The following CECR2 variants were observed in gnomAD, a reference collection of about 807,000 sequenced individuals.
CECR2 encodes the protein CECR2 histone acetyl-lysine reader, also known as chromatin remodeling regulator CECR2.
In CECR2, 30 loss-of-function variants were observed where a neutral mutation model predicts 154.5. The ratio of observed to expected loss-of-function variants is 0.19; its 90% confidence interval spans 0.15 to 0.26. The LOEUF (loss-of-function observed/expected upper bound fraction) is 0.26, where lower values mean the gene tolerates loss of function less well. Among genes scored for constraint, CECR2 ranks in the 10% least tolerant of loss-of-function variants. The pLI is 1.00. For synonymous variants in CECR2, 725 were observed against 683.7 expected (o/e 1.06, Z -0.94); for missense variants, 1,743 against 1,829.3 (o/e 0.95, Z 0.86).
intron 1 of CECR2, among the ~76,000 whole-genome samples, chr22:17,449,850 C>A (rs551620424): frequency 3.9e-5 from 6 of 152,180 alleles, no homozygotes; most frequent in Admixed American, 2.6e-4. Context: ...TGGACACTTG[C>A]AATGGTCTGA....
intron 1 of CECR2, among the ~76,000 whole-genome samples, 182 bp downstream of exon 1, chr22:17,370,091 G>A (rs1387826124): frequency 6.6e-6 from 1 of 151,068 alleles, no homozygotes; most frequent in Non-Finnish European, 1.5e-5. Flanking sequence ...GCTGTGCCCG[G>A]GTGCCGAGGG....
intron 1 of CECR2, among the ~76,000 whole-genome samples, chr22:17,381,471 A>G (rs896732933): frequency 9.9e-5 from 15 of 152,146 alleles, no homozygotes; most frequent in Non-Finnish European, 1.9e-4. Context: ...CTGGATTTTC[A>G]TCGCTTTCAG....
At chr22:17,466,598 CT>C (rs1555913227) in intron 1 of CECR2, among the ~76,000 whole-genome samples, 201 of 140,102 alleles carry the variant, frequency 1.4e-3, no homozygotes, top group Admixed American at 1.4e-3. Flanking sequence ...AAAACCTTGC[CT>C]TTTTTTTTTT....
intron 2 of CECR2, among the ~76,000 whole-genome samples, chr22:17,488,178 C>T (rs1449099539): frequency 6.6e-5 from 10 of 152,134 alleles, no homozygotes; most frequent in Admixed American, 5.9e-4. Context: ...CCACCGCACC[C>T]GGCCTCATTT....
intron 1 of CECR2, among the ~76,000 whole-genome samples, chr22:17,421,154 G>A (rs551333886): frequency 7.2e-5 from 11 of 151,986 alleles, no homozygotes; most frequent in African/African-American, 1.9e-4. Flanking sequence ...TATGTGGATC[G>A]GAGTTTTTGA....
chr22:17,504,001 G>T (rs1033641604), intron 6 of CECR2, among the ~76,000 whole-genome samples: 77 of 151,584 alleles, frequency 5.1e-4, no homozygotes, highest in African/African-American at 1.7e-3. Flanking sequence ...GAGCTGAGAT[G>T]GTGCCCCTGA....
chr22:17,493,683 C>T lies in CECR2; in HGVS notation c.222-3720C>T, dbSNP rs73389125. 6.1e-3 allele frequency among the ~76,000 whole-genome samples: 936 copies of T among 152,290 alleles called. 9 individuals are homozygous for T. The highest frequency in any genetic ancestry group is 0.021 in the African/African-American group (891 of 41,562). On this transcript the variant is annotated intron_variant, in intron 2 of 18. Coordinates refer to ENST00000262608, the MANE Select transcript of CECR2 (RefSeq NM_001290047.2). ...ATTTAAACTGAGTAGGACAATAGGC[C>T]TGTTGGGAAGGAATCTGAAACATGG...
At chr22:17,515,470 G>T (rs937504947) in intron 8 of CECR2, among the ~76,000 whole-genome samples, 1 of 152,102 alleles carries the variant, frequency 6.6e-6, no homozygotes, top group Non-Finnish European at 1.5e-5. Context: ...TACTATTTAC[G>T]TTTTTACGTA....
At chr22:17,364,600 C>T (rs1356518742), upstream of CECR2, among the ~76,000 whole-genome samples, 1 of 151,918 alleles carries the variant, frequency 6.6e-6, no homozygotes, top group African/African-American at 2.4e-5. Context: ...GATCCCAGCA[C>T]TTTGGGAGGC....
intron 10 of CECR2, 91 bp from the exon 11 acceptor site, chr22:17,538,429 G>A (rs570229766): frequency 4.5e-6 from 5 of 1,121,408 alleles, no homozygotes; most frequent in Non-Finnish European, 6.8e-6. Flanking sequence ...CCAAATCTTA[G>A]TTCAGTCAGG....
chr22:17,429,551 C>CAA (rs142777624), intron 1 of CECR2, among the ~76,000 whole-genome samples: 1 of 138,026 alleles, frequency 7.2e-6, no homozygotes, highest in African/African-American at 2.8e-5. Flanking sequence ...AAAACAAAAA[C>CAA]AAAAACAAAG....
intron 1 of CECR2, among the ~76,000 whole-genome samples, chr22:17,394,709 T>C (rs1476944743): frequency 2.0e-5 from 3 of 152,198 alleles, no homozygotes; most frequent in Non-Finnish European, 2.9e-5. Context: ...AGGGATTACA[T>C]TGACTCTGTA....
At chr22:17,427,262 T>A (rs58966358) in intron 1 of CECR2, among the ~76,000 whole-genome samples, 10,224 of 152,248 alleles carry the variant, frequency 0.067, 936 homozygotes, top group East Asian at 0.36. Flanking sequence ...CAGTCTACCA[T>A]TGATAGACAT....
chr22:17,528,966 T>C (rs1280627633), intron 9 of CECR2, among the ~76,000 whole-genome samples: 1 of 151,934 alleles, frequency 6.6e-6, no homozygotes, highest in African/African-American at 2.4e-5. Flanking sequence ...GCGTGGTGGC[T>C]CCATCTGTGG....
chr22:17,530,504 T>A (rs1402551468), intron 9 of CECR2, among the ~76,000 whole-genome samples: 1 of 151,670 alleles, frequency 6.6e-6, no homozygotes, highest in African/African-American at 2.4e-5. Flanking sequence ...AAACCCCGTC[T>A]CTACTAAAAA....
chr22:17,394,061 A>G (rs1326824369), intron 1 of CECR2, among the ~76,000 whole-genome samples: 1 of 151,216 alleles, frequency 6.6e-6, no homozygotes, highest in South Asian at 2.1e-4. Flanking sequence ...CTAATTTTGT[A>G]TTTTTAGCAG....
intron 1 of CECR2, among the ~76,000 whole-genome samples, chr22:17,360,461 C>T (rs1313602404): frequency 1.3e-5 from 2 of 151,908 alleles, no homozygotes; most frequent in Non-Finnish European, 2.9e-5. Context: ...GCCGGCAGAT[C>T]AGTTCAGGTC....
At chr22:17,523,498 T>G (rs942918963) in intron 8 of CECR2, among the ~76,000 whole-genome samples, 1 of 152,048 alleles carries the variant, frequency 6.6e-6, no homozygotes, top group Non-Finnish European at 1.5e-5. Context: ...GGCTCACACC[T>G]ATAATCCCTC....
At chr22:17,429,240 T>C (rs9617578) in intron 1 of CECR2, among the ~76,000 whole-genome samples, 50,171 of 151,596 alleles carry the variant, frequency 0.33, 8,624 homozygotes, top group African/African-American at 0.43. Flanking sequence ...TCAGTAAATA[T>C]GTGGTAGAAT....
Sources: allele counts gnomAD v4.1 joint callset (sites outside exome capture counted in the v4.1 genomes callset), GRCh38; gene constraint gnomAD v4.1.1; transcripts MANE v1.5; gene names NCBI Gene and HGNC (gene_info 2026-07-23, HGNC 2026-07-21).